The following KIAA1549L variants were observed in gnomAD, a reference collection of about 807,000 sequenced individuals.
KIAA1549L encodes UPF0606 protein KIAA1549L.
In KIAA1549L, 88 loss-of-function variants were observed where a neutral mutation model predicts 160.7. The observed-to-expected ratio is 0.55, with a 90% CI of 0.46 to 0.65. The LOEUF (loss-of-function observed/expected upper bound fraction) is 0.65, where lower values mean the gene tolerates loss of function less well. KIAA1549L is among the 30% of genes least tolerant of loss of function. The pLI is 0.00. For missense variants in KIAA1549L, 2,258 were observed against 2,437.5 expected (o/e 0.93, Z 1.55); for synonymous variants, 950 against 976.7 (o/e 0.97, Z 0.51).
At chr11:33,483,525 G>A (rs1357447381) in intron 1 of KIAA1549L, among the ~76,000 whole-genome samples, 2 of 152,136 alleles carry the variant, frequency 1.3e-5, no homozygotes, top group Non-Finnish European at 2.9e-5. Context: ...GGCATGGCAG[G>A]CACGAGGCAA....
intron 1 of KIAA1549L, among the ~76,000 whole-genome samples, chr11:33,461,247 C>T (rs1268918174): frequency 2.0e-5 from 3 of 151,978 alleles, no homozygotes; most frequent in Non-Finnish European, 4.4e-5. Context: ...GATAGGCTGG[C>T]GTAATGGTAT....
rs558584999 is a variant in KIAA1549L, at chr11:33,456,872, C to G, written c.238+79983C>G. On this transcript the variant is annotated intron_variant, in intron 1 of 20. Transcript: ENST00000658780. ...TGTCCAATCTAAACCTTCTCCCCAT[C>G]ATCTGCTCAGGCCTGGGAACAGGCA... is the stretch of plus-strand genomic sequence containing the variant. Among the ~76,000 whole-genome samples the G allele has an allele frequency of 1.6e-4, 25 of 152,364 alleles. No individual in the cohort carries two copies. In the South Asian group the frequency reaches 3.9e-3, roughly 24 times the overall value.
chr11:33,657,661 C>G (rs1852113125), intron 18 of KIAA1549L, among the ~76,000 whole-genome samples: 1 of 152,086 alleles, frequency 6.6e-6, no homozygotes, highest in African/African-American at 2.4e-5. Flanking sequence ...GGTGGGCGTA[C>G]TGGCATGCAC....
chr11:33,552,708 G>A (rs1213219311), intron 6 of KIAA1549L, among the ~76,000 whole-genome samples: 6 of 141,070 alleles, frequency 4.3e-5, no homozygotes, highest in Non-Finnish European at 7.7e-5. Context: ...ACACACATGC[G>A]TTTTATATTG....
At chr11:33,450,564 A>C (rs572003294) in intron 1 of KIAA1549L, 33 of 145,182 alleles carry the variant, frequency 2.3e-4, no homozygotes, top group African/African-American at 6.4e-4. Flanking sequence ...CCTGTCTCTT[A>C]AACAACAACA....
chr11:33,562,156 A>G (rs1854880876), intron 8 of KIAA1549L, among the ~76,000 whole-genome samples: 1 of 152,216 alleles, frequency 6.6e-6, no homozygotes, highest in Non-Finnish European at 1.5e-5. Context: ...TACCCAGACC[A>G]ATCCTGGCAG....
At chr11:33,491,154 A>G (rs923051452) in intron 1 of KIAA1549L, among the ~76,000 whole-genome samples, 1 of 152,144 alleles carries the variant, frequency 6.6e-6, no homozygotes, top group African/African-American at 2.4e-5. Flanking sequence ...TGCCAAATCC[A>G]TGTGTTTTAA....
intron 1 of KIAA1549L, among the ~76,000 whole-genome samples, chr11:33,487,655 T>A (rs563005530): frequency 1.2e-4 from 18 of 152,284 alleles, no homozygotes; most frequent in African/African-American, 3.1e-4. Flanking sequence ...TAAAAAATAC[T>A]TGAAACCCAT....
chr11:33,648,339 C>T lies in KIAA1549L; in HGVS notation c.5760+2303C>T, dbSNP rs117469171. ...ACGCAGTCTTTTGTTATTAAGGTTT[C>T]CTTCTTTATCAACAACCTGTGAGGT... On this transcript the variant is annotated intron_variant, in intron 17 of 20. Coordinates refer to ENST00000658780, the MANE Select transcript of KIAA1549L (RefSeq NM_012194.3). Among the ~76,000 whole-genome samples, 55 of 151,998 alleles carry T rather than the reference C, an allele frequency of 3.6e-4. No individual in the cohort carries two copies. In the East Asian group the frequency reaches 9.4e-3, roughly 26 times the overall value.
At chr11:33,468,283 A>G (rs1439388447) in intron 1 of KIAA1549L, among the ~76,000 whole-genome samples, 3 of 152,248 alleles carry the variant, frequency 2.0e-5, no homozygotes, top group African/African-American at 4.8e-5. Flanking sequence ...AGTAGTTTCC[A>G]TGGCACCAAA....
rs954013585 is a variant in KIAA1549L, at chr11:33,635,186, G to A, written c.5410-10500G>A. 3.3e-5 allele frequency among the ~76,000 whole-genome samples: 5 copies of A among 152,190 alleles called. No individual in the cohort carries two copies. The South Asian group carries it at 1.0e-3, about 32-fold the overall frequency. On this transcript the variant is annotated intron_variant, in intron 16 of 20. Coordinates refer to ENST00000658780, the MANE Select transcript of KIAA1549L (RefSeq NM_012194.3). The stretch of plus-strand genomic sequence containing the variant: ...TTTCCAGAAGCAACTTTCTAAATAT[G>A]TCTCTCCTTCCTCAGTAACAGGCAG...
intron 20 of KIAA1549L, among the ~76,000 whole-genome samples, chr11:33,663,027 C>T (rs543536773): frequency 2.0e-5 from 3 of 152,212 alleles, no homozygotes; most frequent in Non-Finnish European, 2.9e-5. Flanking sequence ...AGCAGGGAGG[C>T]GTGCCCATGA....
chr11:33,559,006 G>A (rs1199913953), intron 6 of KIAA1549L, among the ~76,000 whole-genome samples: 1 of 149,564 alleles, frequency 6.7e-6, no homozygotes, highest in African/African-American at 2.5e-5. Context: ...GCTAATTTTT[G>A]TATTTTTTTT....
intron 6 of KIAA1549L, among the ~76,000 whole-genome samples, chr11:33,557,350 G>GT (rs879544088): frequency 0.019 from 2,751 of 144,476 alleles, 68 homozygotes; most frequent in African/African-American, 0.06. Context: ...AGATTGAAAA[G>GT]TTTTTTTTTT....
At chr11:33,555,334 A>C (rs1854611385) in intron 6 of KIAA1549L, among the ~76,000 whole-genome samples, 1 of 152,198 alleles carries the variant, frequency 6.6e-6, no homozygotes, top group African/African-American at 2.4e-5. Flanking sequence ...TGGAATCTCA[A>C]GGGGCTTTGA....
intron 12 of KIAA1549L, among the ~76,000 whole-genome samples, chr11:33,595,020 AT>A (rs1017042719): frequency 3.9e-5 from 6 of 152,130 alleles, no homozygotes; most frequent in African/African-American, 1.4e-4. Flanking sequence ...AATAAAAATT[AT>A]TTTTCACCCA....
chr11:33,377,425 A>G (rs1849979856), intron 1 of KIAA1549L, among the ~76,000 whole-genome samples: 1 of 152,244 alleles, frequency 6.6e-6, no homozygotes, highest in Non-Finnish European at 1.5e-5. Context: ...CATTAAGTAT[A>G]TAATCCACTG....
intron 10 of KIAA1549L, among the ~76,000 whole-genome samples, chr11:33,575,432 T>C: frequency 6.6e-6 from 1 of 152,206 alleles, no homozygotes. Flanking sequence ...AAATAATAGC[T>C]GTCTCTTTGA....
chr11:33,614,048 C>A (rs1225690695), intron 15 of KIAA1549L, among the ~76,000 whole-genome samples: 1 of 152,118 alleles, frequency 6.6e-6, no homozygotes, highest in Admixed American at 6.5e-5. Flanking sequence ...CGGCAGCCAC[C>A]AACCAGAAGT....
Sources: gnomAD v4.1 joint callset for allele counts (sites outside exome capture counted in the v4.1 genomes callset) on GRCh38, gnomAD v4.1.1 for gene constraint, MANE v1.5 for transcripts, NCBI Gene and HGNC (gene_info 2026-07-23, HGNC 2026-07-21) for gene names.